Variants in PKHD1 observed in about 807,000 individuals in gnomAD.
The protein encoded by PKHD1 is fibrocystin.
In PKHD1, 291 loss-of-function variants were observed where a neutral mutation model predicts 412.0. The observed-to-expected ratio is 0.71, with a 90% CI of 0.64 to 0.78. The LOEUF (loss-of-function observed/expected upper bound fraction) is 0.78. Among genes scored for constraint, PKHD1 ranks in the 30% least tolerant of loss-of-function variants. The pLI is 0.00. For missense variants in PKHD1, 4,825 were observed against 4,950.7 expected (o/e 0.97, Z 0.76); for synonymous variants, 1,777 against 1,821.5 (o/e 0.98, Z 0.62).
At chr6:51,984,875 TA>T (rs1261552346) in intron 35 of PKHD1, among the ~76,000 whole-genome samples, 1 of 152,214 alleles carries the variant, frequency 6.6e-6, no homozygotes, top group African/African-American at 2.4e-5. Context: ...ACCCCTACAA[TA>T]CCAAGGAGAA....
At chr6:51,818,451 G>C (rs1033757693) in intron 52 of PKHD1, among the ~76,000 whole-genome samples, 2 of 152,130 alleles carry the variant, frequency 1.3e-5, no homozygotes, top group Non-Finnish European at 2.9e-5. Context: ...GAACTAGACA[G>C]ACTCAGGGAA....
intron 39 of PKHD1, 90 bp from the exon 40 acceptor site, chr6:51,909,564 G>T: frequency 1.1e-6 from 1 of 942,222 alleles, no homozygotes; most frequent in Non-Finnish European, 1.7e-6. Context: ...TGTCAGCACC[G>T]AGGAAAAACC....
chr6:52,050,406 C>T (rs758928725), intron 21 of PKHD1, 111 bp from the exon 22 acceptor site: 1 of 1,049,142 alleles, frequency 9.5e-7, no homozygotes, highest in Non-Finnish European at 1.5e-6. Context: ...ACACCTAAAG[C>T]ATAGATTCCT....
chr6:51,697,179 CAAATAAATAAATAAAT>C (rs61327011), intron 60 of PKHD1, among the ~76,000 whole-genome samples: 1 of 150,658 alleles, frequency 6.6e-6, no homozygotes, highest in African/African-American at 2.5e-5. Context: ...GACTCCGTCT[CAAATAAATAAATAAAT>C]AAATAAATAA....
chr6:51,707,190 C>T (rs545150161), intron 60 of PKHD1, among the ~76,000 whole-genome samples: 5 of 152,226 alleles, frequency 3.3e-5, no homozygotes, highest in African/African-American at 9.6e-5. Flanking sequence ...AAATGTGACA[C>T]TGTCCCAAGA....
At chr6:51,733,552 G>T (rs1410789073) in intron 60 of PKHD1, among the ~76,000 whole-genome samples, 3 of 140,064 alleles carry the variant, frequency 2.1e-5, no homozygotes, top group African/African-American at 7.8e-5. Flanking sequence ...AAAAAAAAAT[G>T]GTTAAGATGG....
At chr6:51,833,691 A>T (rs74954332) in intron 51 of PKHD1, among the ~76,000 whole-genome samples, 1 of 152,106 alleles carries the variant, frequency 6.6e-6, no homozygotes, top group African/African-American at 2.4e-5. Flanking sequence ...CAATCAAGGC[A>T]TGGGTGATCC....
chr6:51,781,194 T>C (rs1474336534), intron 53 of PKHD1, among the ~76,000 whole-genome samples: 2 of 152,098 alleles, frequency 1.3e-5, no homozygotes, highest in African/African-American at 4.8e-5. Context: ...GCAGCACATA[T>C]TTTTTTCTGA....
chr6:51,906,056 G>A (rs1349630222), intron 41 of PKHD1, among the ~76,000 whole-genome samples, 159 bp downstream of exon 41: 1 of 152,106 alleles, frequency 6.6e-6, no homozygotes, highest in Admixed American at 6.6e-5. Flanking sequence ...AATCAGTGAT[G>A]ACTACATTTA....
chr6:51,872,192 A>G (rs879483873), intron 46 of PKHD1, among the ~76,000 whole-genome samples: 2 of 151,608 alleles, frequency 1.3e-5, no homozygotes, highest in African/African-American at 2.4e-5. Context: ...AAGAATTATC[A>G]AAGAAATAAT....
At chr6:52,053,894 CAAAT>C (rs1323167028) in intron 20 of PKHD1, 140 bp downstream of exon 20, 2 of 833,232 alleles carry the variant, frequency 2.4e-6, no homozygotes, top group Admixed American at 4.2e-5. Flanking sequence ...ACTTTTTTGT[CAAAT>C]AAAATATATT....
At chr6:51,918,704 A>G (rs1451262766) in intron 37 of PKHD1, among the ~76,000 whole-genome samples, 1 of 152,236 alleles carries the variant, frequency 6.6e-6, no homozygotes, top group African/African-American at 2.4e-5. Flanking sequence ...CTTTGGGTAT[A>G]TACCCAGTAA....
intron 61 of PKHD1, 88 bp downstream of exon 61, chr6:51,658,864 A>G: frequency 1.2e-6 from 1 of 841,336 alleles, no homozygotes. Context: ...TATATGATTC[A>G]GTGTAAGTAG....
chr6:51,706,540 G>C (rs115940608), intron 60 of PKHD1, among the ~76,000 whole-genome samples: 1,522 of 151,612 alleles, frequency 0.01, 25 homozygotes, highest in African/African-American at 0.035. Flanking sequence ...GGGAAAGGAG[G>C]AGCAGCAGAA....
intron 5 of PKHD1, among the ~76,000 whole-genome samples, chr6:52,079,676 A>T (rs1270542972): frequency 6.6e-6 from 1 of 152,206 alleles, no homozygotes; most frequent in Non-Finnish European, 1.5e-5. Context: ...AATTGTGAGC[A>T]TTGAATCAAA....
At chr6:51,975,591 T>C (rs1422019276) in intron 35 of PKHD1, 1 of 123,494 alleles carries the variant, frequency 8.1e-6, no homozygotes, top group Admixed American at 8.8e-5. Context: ...AACCACAAGA[T>C]AATACTTTAC....
chr6:52,054,105 T>C lies in PKHD1; in HGVS notation c.1897A>G (p.Ile633Val). 2 of 1,613,940 alleles carry C rather than the reference T, an allele frequency of 1.2e-6. No homozygotes were observed. Among genetic ancestry groups the C allele is most frequent in the Non-Finnish European group, 1.7e-6 (2 of 1,179,804 alleles). Reference protein sequence around the residue: ...KILKMIVSFTIGFQNMVKNTT... With the variant: ...KILKMIVSFTVGFQNMVKNTT... Reference sequence around the variant, plus strand: ...TTCTTTACCATGTTTTGAAAGCCGATTGTGAAGGACACAATCATCTTCAGG... The same window carrying C: ...TTCTTTACCATGTTTTGAAAGCCGACTGTGAAGGACACAATCATCTTCAGG... Residue 633 changes from isoleucine to valine, a missense_variant, in exon 20 of 67, where the codon ATC becomes GTC. Transcript: ENST00000371117.
chr6:51,855,437 T>G (rs948286414), intron 49 of PKHD1, among the ~76,000 whole-genome samples: 1 of 152,230 alleles, frequency 6.6e-6, no homozygotes, highest in Non-Finnish European at 1.5e-5. Flanking sequence ...TGGGGACTCA[T>G]ACAGACTTCG....
intron 36 of PKHD1, among the ~76,000 whole-genome samples, chr6:51,956,615 T>C (rs1345546330): frequency 6.6e-6 from 1 of 152,062 alleles, no homozygotes; most frequent in East Asian, 1.9e-4. Context: ...ATTGATAATA[T>C]ACCATGTGAT....
Sources: gnomAD v4.1 joint callset for allele counts (sites outside exome capture counted in the v4.1 genomes callset) on GRCh38, gnomAD v4.1.1 for gene constraint, MANE v1.5 for transcripts, NCBI Gene and HGNC (gene_info 2026-07-23, HGNC 2026-07-21) for gene names.